The following CNTNAP2 variants were observed in gnomAD, a reference collection of about 807,000 sequenced individuals.
CNTNAP2 encodes the protein contactin associated protein 2.
CNTNAP2 carries 98 observed loss-of-function variants against 155.2 expected under a neutral mutation model. The observed-to-expected ratio is 0.63, with a 90% CI of 0.54 to 0.75. The LOEUF (loss-of-function observed/expected upper bound fraction) is 0.75. Among genes scored for constraint, CNTNAP2 ranks in the 30% least tolerant of loss-of-function variants. The probability of loss-of-function intolerance (pLI) is 0.00; values close to 1 mark genes in which losing one functional copy is unlikely to be tolerated. For missense variants in CNTNAP2, 1,727 were observed against 1,688.1 expected, an observed-to-expected ratio of 1.02 and a Z score of -0.40; for synonymous variants, 651 against 631.2, an observed-to-expected ratio of 1.03 and a Z score of -0.47.
chr7:147,501,028 T>C (rs990113342), intron 11 of CNTNAP2, among the ~76,000 whole-genome samples: 5 of 152,112 alleles, frequency 3.3e-5, no homozygotes, highest in Admixed American at 6.6e-5. Context: ...CCAAGAATTA[T>C]ACACCAAGAT....
At chr7:147,049,496 TC>T (rs1799430594) in intron 4 of CNTNAP2, among the ~76,000 whole-genome samples, 1 of 151,512 alleles carries the variant, frequency 6.6e-6, no homozygotes, top group South Asian at 2.1e-4. Flanking sequence ...TCAAGAGCTT[TC>T]TTTGGATTTT....
intron 13 of CNTNAP2, among the ~76,000 whole-genome samples, chr7:147,667,815 AAAAAT>A (rs1294781775): frequency 6.7e-6 from 1 of 148,884 alleles, no homozygotes; most frequent in Non-Finnish European, 1.5e-5. Context: ...AAATAATAAA[AAAAAT>A]AAAATAAAAA....
chr7:147,136,320 G>T (rs1801477671), intron 8 of CNTNAP2, among the ~76,000 whole-genome samples: 1 of 151,880 alleles, frequency 6.6e-6, no homozygotes, highest in African/African-American at 2.4e-5. Context: ...CTCAAGTATT[G>T]GAACATCCTT....
intron 1 of CNTNAP2, among the ~76,000 whole-genome samples, chr7:146,543,191 A>G (rs866785046): frequency 1.3e-5 from 2 of 151,958 alleles, no homozygotes; most frequent in Non-Finnish European, 2.9e-5. Flanking sequence ...TATTTAAATA[A>G]GTAAATAATT....
In CNTNAP2 at chr7:148,322,797, G is replaced by T. The variant is rs546396509; in HGVS notation, c.3475+55671G>T. Among the ~76,000 whole-genome samples the T allele has an allele frequency of 1.5e-3, 208 of 135,504 alleles. 1 individual carries two copies. In the East Asian group the frequency reaches 0.018, roughly 12 times the overall value. The allele number at this position is 135,504 out of a possible 152,430, so 88.9% of individuals were successfully genotyped here. A position where few individuals can be genotyped will look rare whatever the true frequency, so the allele number is the denominator to read the frequency against. ...TTGTTTTGTTTTGTTGTTTTTTGGG[G>T]TTTTTTTTTTTTTTCAAATTTTTTC... On this transcript the variant is annotated intron_variant, in intron 21 of 23. Coordinates refer to ENST00000361727, the MANE Select transcript of CNTNAP2 (RefSeq NM_014141.6).
chr7:147,214,444 A>T (rs1273488283), intron 8 of CNTNAP2, among the ~76,000 whole-genome samples: 1 of 152,144 alleles, frequency 6.6e-6, no homozygotes, highest in African/African-American at 2.4e-5. Flanking sequence ...TTTCTACCTT[A>T]TATGATTGGT....
At chr7:147,039,561 T>C (rs1799220437) in intron 3 of CNTNAP2, among the ~76,000 whole-genome samples, 1 of 152,218 alleles carries the variant, frequency 6.6e-6, no homozygotes, top group Non-Finnish European at 1.5e-5. Flanking sequence ...ATGGTGTATA[T>C]GTAGCACATT....
chr7:146,433,352 T>C (rs901689734), intron 1 of CNTNAP2, among the ~76,000 whole-genome samples: 2 of 152,112 alleles, frequency 1.3e-5, no homozygotes, highest in Admixed American at 1.3e-4. Context: ...TTTCAGTGAC[T>C]CTTGAGCTGT....
At chr7:146,674,669 G>C (rs1800366468) in intron 1 of CNTNAP2, among the ~76,000 whole-genome samples, 2 of 152,096 alleles carry the variant, frequency 1.3e-5, no homozygotes, top group Admixed American at 1.3e-4. Flanking sequence ...ATACCCCAAA[G>C]AGGCAGTTGG....
At chr7:147,806,077 G>A (rs1286724802) in intron 13 of CNTNAP2, among the ~76,000 whole-genome samples, 1 of 152,174 alleles carries the variant, frequency 6.6e-6, no homozygotes. Flanking sequence ...TACAGAATGG[G>A]AGAAAATATT....
intron 8 of CNTNAP2, among the ~76,000 whole-genome samples, chr7:147,187,623 G>A (rs938709885): frequency 1.7e-4 from 26 of 152,050 alleles, no homozygotes; most frequent in African/African-American, 6.0e-4. Flanking sequence ...AGACGGATTG[G>A]GGCAAGGGCT....
At chr7:148,140,014 A>T (rs1805028318) in intron 16 of CNTNAP2, among the ~76,000 whole-genome samples, 1 of 152,226 alleles carries the variant, frequency 6.6e-6, no homozygotes, top group African/African-American at 2.4e-5. Flanking sequence ...AAGGACTCAC[A>T]GAATTCACTG....
chr7:147,834,670 C>T (rs763219329), intron 13 of CNTNAP2, among the ~76,000 whole-genome samples: 1 of 152,092 alleles, frequency 6.6e-6, no homozygotes, highest in East Asian at 1.9e-4. Context: ...AACTCAAACC[C>T]CAGACGTATG....
intron 1 of CNTNAP2, among the ~76,000 whole-genome samples, chr7:146,304,779 G>A (rs889164748): frequency 3.3e-5 from 5 of 151,964 alleles, no homozygotes; most frequent in African/African-American, 4.8e-5. Context: ...GAGTATCTTT[G>A]TGGAATTCTC....
At chr7:148,058,366 A>G (rs2116506724) in intron 15 of CNTNAP2, among the ~76,000 whole-genome samples, 1 of 152,242 alleles carries the variant, frequency 6.6e-6, no homozygotes, top group African/African-American at 2.4e-5. Flanking sequence ...CCCTCCACAC[A>G]CGGTTAAACA....
At chr7:148,262,531 A>G (rs1796581739) in intron 20 of CNTNAP2, among the ~76,000 whole-genome samples, 2 of 152,042 alleles carry the variant, frequency 1.3e-5, no homozygotes. Context: ...TGCCTTTCTC[A>G]GCTTCTAAGA....
intron 10 of CNTNAP2, among the ~76,000 whole-genome samples, chr7:147,468,799 G>A (rs909126283): frequency 6.6e-6 from 1 of 151,824 alleles, no homozygotes; most frequent in African/African-American, 2.4e-5. Context: ...GTAGCAGGAT[G>A]GAAACTGCCT....
At chr7:148,240,649 G>T (rs1796128447) in intron 20 of CNTNAP2, among the ~76,000 whole-genome samples, 1 of 152,136 alleles carries the variant, frequency 6.6e-6, no homozygotes, top group Non-Finnish European at 1.5e-5. Context: ...AAAGGGGAGT[G>T]TATTAAGGAA....
chr7:146,528,053 ATAAT>A (rs1289588751), intron 1 of CNTNAP2, among the ~76,000 whole-genome samples: 9 of 152,174 alleles, frequency 5.9e-5, no homozygotes, highest in African/African-American at 2.2e-4. Flanking sequence ...TTCTATTGAT[ATAAT>A]TACCAGAGTC....
Sources: gnomAD v4.1 joint callset for allele counts (sites outside exome capture counted in the v4.1 genomes callset) on GRCh38, gnomAD v4.1.1 for gene constraint, MANE v1.5 for transcripts, NCBI Gene and HGNC (gene_info 2026-07-23, HGNC 2026-07-21) for gene names.